Variants in ZBTB49 observed in about 807,000 individuals in gnomAD.
ZBTB49 encodes zinc finger and BTB domain-containing protein 49.
ZBTB49 carries 43 observed loss-of-function variants against 57.5 expected under a neutral mutation model. The ratio of observed to expected loss-of-function variants is 0.75; its 90% CI spans 0.59 to 0.97. The LOEUF (loss-of-function observed/expected upper bound fraction) is 0.97, where lower values mean the gene tolerates loss of function less well. Ranked by LOEUF, ZBTB49 falls within the 50% of genes least tolerant of loss-of-function variation. ZBTB49 has a pLI of 0.00. For synonymous variants in ZBTB49, 369 were observed against 362.1 expected, an observed-to-expected ratio of 1.02 and a Z score of -0.22; for missense variants, 938 against 947.7, an observed-to-expected ratio of 0.99 and a Z score of 0.13.
rs377138094 is a variant in ZBTB49 at position 4,313,128 on chromosome 4, G to A, written c.1376+14G>A. On this transcript the variant is annotated intron_variant, in intron 5 of 7. Coordinates refer to ENST00000337872, the MANE Select transcript of ZBTB49 (RefSeq NM_145291.4). ...CTGTGGAAAGAGGTCAGTGCTGGGCGTGTTCTTCCGTGTGGAAGGGAGCAT... is the reference window on the plus strand; with the variant it reads ...CTGTGGAAAGAGGTCAGTGCTGGGCATGTTCTTCCGTGTGGAAGGGAGCAT... 5.5e-5 allele frequency: 88 copies of A among 1,613,662 alleles called. No homozygotes were observed. In the African/African-American group the frequency reaches 1.0e-3, roughly 19 times the overall value.
chr4:4,301,902 T>G (rs945797141), intron 2 of ZBTB49, 87 bp from the exon 3 acceptor site: 3 of 1,266,596 alleles, frequency 2.4e-6, no homozygotes, highest in African/African-American at 1.5e-5. Context: ...GGATAGTATT[T>G]TTTAATATTA....
Position 4,302,472 on chromosome 4 carries a change from C to G in ZBTB49, c.636C>G (p.Tyr212Ter). Residue 212 changes from tyrosine to a stop codon, truncating the protein, a stop_gained, in exon 3 of 8, where the codon TAC becomes TAG. Transcript: ENST00000337872. LOFTEE classifies it high-confidence loss of function. ...CTELPFKQPN[Y>*]YYKLRNFYSK... ...AACTGCCTTTCAAACAGCCAAATTACTATTACAAACTCAGAAACTTTTACA... is the reference window on the plus strand; with the variant it reads ...AACTGCCTTTCAAACAGCCAAATTAGTATTACAAACTCAGAAACTTTTACA... The G allele has an allele frequency of 3.1e-6, 5 of 1,614,178 alleles. No individual in the cohort carries two copies. The highest frequency in any genetic ancestry group is 4.2e-6 in the Non-Finnish European group (5 of 1,180,012).
intron 7 of ZBTB49, among the ~76,000 whole-genome samples, chr4:4,316,614 T>C (rs1010654857): frequency 2.0e-5 from 3 of 152,118 alleles, no homozygotes; most frequent in African/African-American, 7.2e-5. Flanking sequence ...AAACTATGAG[T>C]GACAGCAACT....
chr4:4,320,500 CGTG>C (rs1201481848), intron 7 of ZBTB49, 137 bp from the exon 8 acceptor site: 2 of 925,274 alleles, frequency 2.2e-6, no homozygotes, highest in Admixed American at 2.7e-5. Context: ...ATTAGCCAGG[CGTG>C]GTGTCATGCG....
intron 2 of ZBTB49, among the ~76,000 whole-genome samples, chr4:4,300,803 AG>A (rs1175867064): frequency 6.6e-6 from 1 of 151,310 alleles, no homozygotes; most frequent in Non-Finnish European, 1.5e-5. Context: ...AAAAATTGTT[AG>A]AGTTAAGTGA....
chr4:4,297,855 A>T (rs1247321482), intron 1 of ZBTB49, among the ~76,000 whole-genome samples: 1 of 151,856 alleles, frequency 6.6e-6, no homozygotes, highest in Non-Finnish European at 1.5e-5. Context: ...AGGGTCAGGT[A>T]TAAGTAAAGT....
chr4:4,309,482 C>T (rs188946842), intron 4 of ZBTB49, among the ~76,000 whole-genome samples: 76 of 152,254 alleles, frequency 5.0e-4, no homozygotes, highest in African/African-American at 1.2e-3. Context: ...ATTTGAGAAA[C>T]GGGAAAGAAA....
In ZBTB49 at chr4:4,299,547, T is replaced by C. The variant is rs185672510; in HGVS notation, c.-19-380T>C. ...TTTATTTGACATATTCCTAAGTAGATACCGAGAAGTACATACAATATTAAC... is the reference window on the plus strand; with the variant it reads ...TTTATTTGACATATTCCTAAGTAGACACCGAGAAGTACATACAATATTAAC... On this transcript the variant is annotated intron_variant, in intron 1 of 7. Coordinates refer to ENST00000337872, the MANE Select transcript of ZBTB49 (RefSeq NM_145291.4). Among the ~76,000 whole-genome samples, 760 of 152,328 alleles carry C rather than the reference T, an allele frequency of 5.0e-3. 3 individuals are homozygous for C. Among genetic ancestry groups the C allele is most frequent in the African/African-American group, 0.017 (706 of 41,572 alleles).
At chr4:4,317,816 C>T (rs1288507629) in intron 7 of ZBTB49, among the ~76,000 whole-genome samples, 1 of 152,184 alleles carries the variant, frequency 6.6e-6, no homozygotes, top group Non-Finnish European at 1.5e-5. Context: ...TGTCTTCCCC[C>T]AGCATTTCAC....
At position 4,320,695 on chromosome 4, in the gene ZBTB49, G is replaced by A. The variant is rs1048193066; in HGVS notation, c.1677G>A (p.Gly559=). The A allele has an allele frequency of 6.2e-6, 10 of 1,614,092 alleles. No homozygotes were observed. Among genetic ancestry groups the A allele is most frequent in the East Asian group, 2.2e-5 (1 of 44,888 alleles). The part of the protein sequence containing the change: ...DLRRHVRTHT[G]EKPYTCEICN... ...GCAGGCATGTCCGCACTCACACTGGGGAGAAGCCGTACACATGTGAGATCT... is the reference window on the plus strand; with the variant it reads ...GCAGGCATGTCCGCACTCACACTGGAGAGAAGCCGTACACATGTGAGATCT... Residue 559 remains glycine (G), a synonymous_variant, in exon 8 of 8, where the codon GGG becomes GGA. Transcript: ENST00000337872.
intron 2 of ZBTB49, among the ~76,000 whole-genome samples, chr4:4,301,140 A>C (rs1720454281): frequency 6.6e-6 from 1 of 152,158 alleles, no homozygotes; most frequent in Non-Finnish European, 1.5e-5. Context: ...TGATATTGTG[A>C]TACACAGGCT....
At chr4:4,317,624 A>T (rs1453012776) in intron 7 of ZBTB49, among the ~76,000 whole-genome samples, 2 of 152,078 alleles carry the variant, frequency 1.3e-5, no homozygotes. Context: ...CAAATCAGCT[A>T]TGAACATCCG....
At chr4:4,301,926 A>G (rs1720488229) in intron 2 of ZBTB49, 63 bp from the exon 3 acceptor site, 2 of 1,385,672 alleles carry the variant, frequency 1.4e-6, no homozygotes, top group East Asian at 5.0e-5. Flanking sequence ...TATGAATGTT[A>G]TTTATAAGAA....
rs1720065400 is a variant in ZBTB49 at position 4,293,965 on chromosome 4, G to T, written c.-20+3613G>T. Among the ~76,000 whole-genome samples, 4 of 152,220 alleles carry T rather than the reference G, an allele frequency of 2.6e-5. 1 individual carries two copies. The highest frequency in any genetic ancestry group is 2.6e-4 in the Admixed American group (4 of 15,280). On this transcript the variant is annotated intron_variant, in intron 1 of 7. Coordinates refer to ENST00000337872, the MANE Select transcript of ZBTB49 (RefSeq NM_145291.4). ...AGACCTAGACTCCACTACCCCATGG[G>T]AGAATCATCGGAGAATTTGTGGCCA...
At chr4:4,294,939 C>T (rs922678371) in intron 1 of ZBTB49, among the ~76,000 whole-genome samples, 4 of 146,650 alleles carry the variant, frequency 2.7e-5, no homozygotes, top group African/African-American at 5.0e-5. Context: ...TTCCCGTGGG[C>T]GATAGCATAG....
chr4:4,302,640 TC>T lies in ZBTB49; in HGVS notation c.807del (p.Glu270SerfsTer12). ...GTCATTCTGAATGCATCCTGGAGTC[TC>T]CCGAGCACTTACCTTCCAACTTCCT... Reference protein sequence around the residue: ...VSHSECILESPEHLPSNFLAQ... With the variant: ...VSHSECILESXEHLPSNFLAQ... On this transcript the variant is annotated frameshift_variant, in exon 3 of 8. Coordinates refer to ENST00000337872, the MANE Select transcript of ZBTB49 (RefSeq NM_145291.4). LOFTEE classifies it high-confidence loss of function. 6.2e-7 allele frequency: 1 copy of T among 1,611,386 alleles called. No individual in the cohort carries two copies.
Position 4,302,692 on chromosome 4 carries a change from C to G in ZBTB49, c.856C>G (p.Pro286Ala), listed in dbSNP as rs1720547856. 6.2e-7 allele frequency: 1 copy of G among 1,612,240 alleles called. No homozygotes were observed. The highest frequency in any genetic ancestry group is 1.3e-5 in the African/African-American group (1 of 74,828). Residue 286 changes from proline to alanine, a missense_variant, in exon 3 of 8, where the codon CCA becomes GCA. Pro to Ala is a conservative substitution (Grantham distance 27). This residue lies in a region of ZBTB49 where 835 missense variants were observed against 819.1 expected (regional missense o/e 1.02). Transcript: ENST00000337872. ...FLAQPVNDSA[P>A]HPESDATCQQ... The stretch of plus-strand genomic sequence containing the variant: ...GGCCCAGCCTGTGAATGACTCTGCC[C>G]CACACCCTGAGTCAGACGCCACATG...
intron 5 of ZBTB49, among the ~76,000 whole-genome samples, chr4:4,313,380 T>G (rs1721059639): frequency 6.6e-6 from 1 of 152,248 alleles, no homozygotes; most frequent in Admixed American, 6.5e-5. Context: ...AAAATTATTT[T>G]ATACTAATAT....
chr4:4,292,940 T>G (rs970120678), intron 1 of ZBTB49, among the ~76,000 whole-genome samples: 7 of 152,218 alleles, frequency 4.6e-5, no homozygotes, highest in African/African-American at 1.7e-4. Flanking sequence ...AAACTTTTTC[T>G]TGTTTCTTTT....
Sources: gnomAD v4.1 joint callset for allele counts (sites outside exome capture counted in the v4.1 genomes callset) on GRCh38, gnomAD v4.1.1 for gene constraint, gnomAD v4.1.1 regional missense constraint, MANE v1.5 for transcripts, NCBI Gene and HGNC (gene_info 2026-07-23, HGNC 2026-07-21) for gene names.